Variants in CMIP observed in about 807,000 individuals in gnomAD.
The protein encoded by CMIP is C-Maf-inducing protein.
CMIP carries 13 observed loss-of-function variants against 97.3 expected under a neutral mutation model. The observed-to-expected ratio is 0.13, with a 90% confidence interval of 0.09 to 0.21. The LOEUF is 0.21. CMIP is among the 10% of genes least tolerant of loss of function. The pLI is 1.00. For synonymous variants in CMIP, 538 were observed against 436.3 expected (o/e 1.23, Z -2.91); for missense variants, 847 against 1,024.9 (o/e 0.83, Z 2.37).
intron 11 of CMIP, among the ~76,000 whole-genome samples, chr16:81,692,280 G>A (rs1467519271): frequency 1.3e-5 from 2 of 152,228 alleles, no homozygotes; most frequent in African/African-American, 4.8e-5. Context: ...TGCTGGAAGC[G>A]CTCTAATTAC....
chr16:81,682,325 G>C (rs1417223669), intron 10 of CMIP, among the ~76,000 whole-genome samples: 1 of 152,194 alleles, frequency 6.6e-6, no homozygotes, highest in Non-Finnish European at 1.5e-5. Context: ...AGCACTTTGG[G>C]AGGCCAAGGC....
In CMIP at chr16:81,645,556, G is replaced by GC. The variant is rs764844284; in HGVS notation, c.478-6645dup. 1.9e-5 allele frequency: 29 copies of GC among 1,535,946 alleles called. No individual in the cohort carries two copies. In the East Asian group the frequency reaches 2.7e-4, roughly 14 times the overall value. On this transcript the variant is annotated intron_variant, in intron 3 of 20. Transcript: ENST00000537098. ...CCTGAGAACCCTGGCATATGTGCTT[G>GC]CCTCTGCTGACAGTTGCCAGAGCGA...
chr16:81,608,418 G>A (rs967191838), intron 2 of CMIP, among the ~76,000 whole-genome samples: 1 of 152,164 alleles, frequency 6.6e-6, no homozygotes, highest in African/African-American at 2.4e-5. Context: ...TCACCATGTG[G>A]TAGGAAAGAT....
At chr16:81,459,145 T>C (rs1906752150) in intron 1 of CMIP, among the ~76,000 whole-genome samples, 1 of 152,196 alleles carries the variant, frequency 6.6e-6, no homozygotes, top group Non-Finnish European at 1.5e-5. Context: ...ACCTTCCTGC[T>C]TCCTGCAGGA....
At chr16:81,580,697 A>G (rs2091281899) in intron 1 of CMIP, among the ~76,000 whole-genome samples, 1 of 151,016 alleles carries the variant, frequency 6.6e-6, no homozygotes, top group African/African-American at 2.4e-5. Flanking sequence ...TCGCCTCCCA[A>G]ACTGCTGGGA....
Position 81,706,999 on chromosome 16 carries a change from CTG to C in CMIP, c.2198-13_2198-12del. ...GGCCTCGCTCTCCTAACAACTGTAT[CTG>C]TCTCTTGTGCAGCCATGAAGAGTCT... On this transcript the variant is annotated splice_polypyrimidine_tract_variant and intron_variant, in intron 19 of 20. Coordinates refer to ENST00000537098, the MANE Select transcript of CMIP (RefSeq NM_198390.3). The C allele has an allele frequency of 6.2e-7, 1 of 1,612,742 alleles. No homozygotes were observed. Among genetic ancestry groups the C allele is most frequent in the Non-Finnish European group, 8.5e-7 (1 of 1,178,960 alleles).
intron 1 of CMIP, chr16:81,476,550 G>A (rs12926550): frequency 0.3 from 180,086 of 593,422 alleles, 28,982 homozygotes; most frequent in Admixed American, 0.48. Context: ...CGACGGCGCC[G>A]GTGTCTGCAG....
At chr16:81,475,959 C>A (rs75094169) in intron 1 of CMIP, 1 of 446,030 alleles carries the variant, frequency 2.2e-6, no homozygotes, top group African/African-American at 2.1e-5. Flanking sequence ...TGCGCTCCAG[C>A]GTGGGTGACA....
chr16:81,578,607 A>T (rs765257674), intron 1 of CMIP, among the ~76,000 whole-genome samples: 19 of 152,168 alleles, frequency 1.2e-4, no homozygotes, highest in Admixed American at 2.6e-4. Context: ...CCTTCAGTCC[A>T]TAAAGTATGA....
chr16:81,668,785 C>T (rs953267695), intron 7 of CMIP, among the ~76,000 whole-genome samples: 10 of 152,174 alleles, frequency 6.6e-5, no homozygotes, highest in African/African-American at 2.2e-4. Flanking sequence ...CCACAGCAGC[C>T]TGTCACAAAC....
chr16:81,469,687 C>T (rs1907409056), intron 1 of CMIP, among the ~76,000 whole-genome samples: 1 of 152,222 alleles, frequency 6.6e-6, no homozygotes, highest in Admixed American at 6.5e-5. Context: ...CTTCAGAGAA[C>T]TCACTATGTG....
At chr16:81,670,434 C>G (rs963315182) in intron 8 of CMIP, among the ~76,000 whole-genome samples, 189 bp downstream of exon 8, 1 of 152,128 alleles carries the variant, frequency 6.6e-6, no homozygotes, top group Non-Finnish European at 1.5e-5. Context: ...ACTGCTGTTT[C>G]CTCAGGTCCC....
chr16:81,641,451 G>A (rs142038466), intron 3 of CMIP, among the ~76,000 whole-genome samples: 16 of 152,218 alleles, frequency 1.1e-4, no homozygotes, highest in African/African-American at 3.4e-4. Flanking sequence ...CAGCATCTGC[G>A]TGATGATTGG....
In CMIP at chr16:81,655,862, T is replaced by C. The variant is rs2092475796; in HGVS notation, c.640-1913T>C. On this transcript the variant is annotated intron_variant, in intron 4 of 20. Transcript: ENST00000537098. The surrounding 1 kb of genome is among the most constrained non-coding windows in gnomAD (Gnocchi z 4.9). ...TTAGGCAGCTGATCAGTCAATGGGA[T>C]AGTAGAGAACCTGTCATAATCAAAA... 6.6e-6 allele frequency among the ~76,000 whole-genome samples: 1 copy of C among 152,128 alleles called. No individual in the cohort carries two copies. The highest frequency in any genetic ancestry group is 1.5e-5 in the Non-Finnish European group (1 of 68,020).
intron 1 of CMIP, among the ~76,000 whole-genome samples, chr16:81,523,956 A>G (rs1315295264): frequency 6.6e-6 from 1 of 152,228 alleles, no homozygotes; most frequent in Non-Finnish European, 1.5e-5. Flanking sequence ...CCTGAGTTGT[A>G]GGTGTTTTTG....
At position 81,710,231 on chromosome 16, in the gene CMIP, G is replaced by A. The variant is rs1028721323; in HGVS notation, c.*432G>A. On this transcript the variant is annotated 3_prime_UTR_variant, in exon 21 of 21. Coordinates refer to ENST00000537098, the MANE Select transcript of CMIP (RefSeq NM_198390.3). ...AGGCTCCGAGCTGAGCTGCGAACTC[G>A]CCCCCCGCCCTTGGGACAAGAAGAC... 2.4e-5 allele frequency: 5 copies of A among 212,568 alleles called. No homozygotes were observed. Among genetic ancestry groups the A allele is most frequent in the East Asian group, 2.4e-4 (2 of 8,448 alleles). The allele number at this position is 212,568 out of a possible 1,614,324, so 13.2% of individuals were successfully genotyped here.
chr16:81,512,355 T>G (rs1247234776), intron 1 of CMIP, among the ~76,000 whole-genome samples: 1 of 152,206 alleles, frequency 6.6e-6, no homozygotes, highest in Non-Finnish European at 1.5e-5. Flanking sequence ...GCCTGATCTA[T>G]CCATCACCAC....
intron 1 of CMIP, among the ~76,000 whole-genome samples, chr16:81,508,749 C>T (rs1464070238): frequency 2.6e-5 from 4 of 152,236 alleles, no homozygotes; most frequent in African/African-American, 9.6e-5. Flanking sequence ...CAGGACAGCT[C>T]CTGCAGGCCT....
chr16:81,688,827 G>A (rs1364445213), intron 10 of CMIP, among the ~76,000 whole-genome samples: 2 of 152,066 alleles, frequency 1.3e-5, no homozygotes, highest in African/African-American at 4.8e-5. Context: ...CCCCACAACA[G>A]GCCCCGGTGT....
Sources: gnomAD v4.1 joint callset for allele counts (sites outside exome capture counted in the v4.1 genomes callset) on GRCh38, gnomAD v4.1.1 for gene constraint, Gnocchi (gnomAD v3.1) non-coding constraint, MANE v1.5 for transcripts, NCBI Gene and HGNC (gene_info 2026-07-23, HGNC 2026-07-21) for gene names.